Variants in SH3GL2 observed in about 807,000 individuals in gnomAD.
SH3GL2 encodes the protein SH3 domain containing GRB2 like 2, endophilin A1.
Under a neutral mutation model 46.0 loss-of-function variants are expected in SH3GL2, and 24 were observed. The ratio of observed to expected loss-of-function variants is 0.52; its 90% CI spans 0.38 to 0.73. SH3GL2 has a LOEUF of 0.73. Among genes scored for constraint, SH3GL2 ranks in the 30% least tolerant of loss-of-function variants. The probability of loss-of-function intolerance (pLI) is 0.00; values close to 1 mark genes in which losing one functional copy is unlikely to be tolerated. For missense variants in SH3GL2, 413 were observed against 424.2 expected (o/e 0.97, Z 0.23); for synonymous variants, 196 against 147.1 (o/e 1.33, Z -2.40).
intron 1 of SH3GL2, 71 bp downstream of exon 1, chr9:17,579,358 C>T (rs1262017777): frequency 3.6e-6 from 4 of 1,123,366 alleles, no homozygotes; most frequent in South Asian, 1.6e-5. Context: ...CGGCGCTGGC[C>T]GTCCGGCGGC....
At chr9:17,677,042 G>A (rs533409251) in intron 1 of SH3GL2, among the ~76,000 whole-genome samples, 1 of 152,240 alleles carries the variant, frequency 6.6e-6, no homozygotes, top group East Asian at 1.9e-4. Context: ...GCCCTCATGG[G>A]ACCATTTGGC....
intron 2 of SH3GL2, chr9:17,755,758 C>T (rs1822970046): frequency 5.1e-6 from 5 of 984,350 alleles, no homozygotes; most frequent in Non-Finnish European, 6.0e-6. Flanking sequence ...TTTGTTGCTC[C>T]ACAAACAACG....
intron 1 of SH3GL2, among the ~76,000 whole-genome samples, chr9:17,689,739 T>C (rs1821023675): frequency 1.3e-5 from 2 of 152,154 alleles, no homozygotes; most frequent in African/African-American, 4.8e-5. Context: ...TTTGGGCAAA[T>C]ACCACCTCAT....
chr9:17,630,664 A>G (rs1204890233), intron 1 of SH3GL2, among the ~76,000 whole-genome samples: 1 of 152,212 alleles, frequency 6.6e-6, no homozygotes, highest in African/African-American at 2.4e-5. Flanking sequence ...ACCAGAGACT[A>G]GGGCAGGCCA....
At chr9:17,779,258 C>T (rs1372150272) in intron 3 of SH3GL2, among the ~76,000 whole-genome samples, 2 of 152,138 alleles carry the variant, frequency 1.3e-5, no homozygotes, top group Admixed American at 1.3e-4. Context: ...CTGAGTAATT[C>T]TGATATGCAT....
chr9:17,691,392 A>G (rs978294636), intron 1 of SH3GL2, among the ~76,000 whole-genome samples: 2 of 152,136 alleles, frequency 1.3e-5, no homozygotes, highest in African/African-American at 4.8e-5. Context: ...AATTTGTTGG[A>G]CAGATAATAG....
At position 17,795,540 on chromosome 9, in the gene SH3GL2, C is replaced by G; in HGVS notation, c.860-4C>G. 3.7e-6 allele frequency: 6 copies of G among 1,612,246 alleles called. No individual in the cohort carries two copies. The highest frequency in any genetic ancestry group is 4.2e-6 in the Non-Finnish European group (5 of 1,178,438). ...CTTCTCTTCTCTCCTGCTCTTACTC[C>G]CAGGTGTCCAAATGGATCAGCCCTG... On this transcript the variant is annotated splice_polypyrimidine_tract_variant and splice_region_variant and intron_variant, in intron 8 of 8. Transcript: ENST00000380607.
At chr9:17,659,053 G>A (rs531221553) in intron 1 of SH3GL2, among the ~76,000 whole-genome samples, 22 of 152,318 alleles carry the variant, frequency 1.4e-4, no homozygotes, top group Admixed American at 1.3e-3. Context: ...AATGGTGATG[G>A]AAGATTTCTT....
In SH3GL2 at chr9:17,756,134, T is replaced by A. The variant is rs531405739; in HGVS notation, c.115-5303T>A. On this transcript the variant is annotated intron_variant, in intron 2 of 8. Coordinates refer to ENST00000380607, the MANE Select transcript of SH3GL2 (RefSeq NM_003026.5). The stretch of plus-strand genomic sequence containing the variant: ...TTTAAATGAATAAGTATGGCTGTTT[T>A]CCAACAAAACTTTATCTAAGGATGC... 5.3e-5 allele frequency among the ~76,000 whole-genome samples: 8 copies of A among 152,254 alleles called. No individual in the cohort carries two copies. In the South Asian group the frequency reaches 1.5e-3, roughly 28 times the overall value.
At chr9:17,786,696 T>C (rs920997614) in intron 4 of SH3GL2, among the ~76,000 whole-genome samples, 172 bp downstream of exon 4, 3 of 152,164 alleles carry the variant, frequency 2.0e-5, no homozygotes, top group Non-Finnish European at 4.4e-5. Flanking sequence ...TCCGCTCTAA[T>C]GTGATTTATC....
At chr9:17,584,227 G>A (rs10810811) in intron 1 of SH3GL2, among the ~76,000 whole-genome samples, 44,489 of 152,136 alleles carry the variant, frequency 0.29, 7,039 homozygotes, top group East Asian at 0.51. Flanking sequence ...AGGGTGGGGC[G>A]TGGTGGCTCA....
chr9:17,746,002 A>C lies in SH3GL2; in HGVS notation c.46-1064A>C, dbSNP rs186827071. Among the ~76,000 whole-genome samples the C allele has an allele frequency of 1.2e-3, 176 of 152,326 alleles. 3 individuals carry two copies. The highest frequency in any genetic ancestry group is 8.8e-5 in the Non-Finnish European group (6 of 68,028). ...CATTTAGTATTTGTGTCTTTGATAA[A>C]ACCAGAGTATCTTTTGTGTGATCCG... On this transcript the variant is annotated intron_variant, in intron 1 of 8. Transcript: ENST00000380607.
chr9:17,687,485 C>CTT (rs1417634239), intron 1 of SH3GL2, among the ~76,000 whole-genome samples: 1 of 151,708 alleles, frequency 6.6e-6, no homozygotes, highest in Non-Finnish European at 1.5e-5. Context: ...TCAATACAAA[C>CTT]TTTTTTAAGT....
At position 17,628,785 on chromosome 9, in the gene SH3GL2, C is replaced by T. The variant is rs140498823; in HGVS notation, c.45+49498C>T. 2.5e-3 allele frequency among the ~76,000 whole-genome samples: 380 copies of T among 151,940 alleles called. 3 individuals carry two copies. The highest frequency in any genetic ancestry group is 4.6e-3 in the Non-Finnish European group (315 of 67,964). On this transcript the variant is annotated intron_variant, in intron 1 of 8. Transcript: ENST00000380607. ...TAACGGGTAAAATCCTGCCAACTGC[C>T]CTTTTATAGATCTTCAGTGTGAAGC...
intron 1 of SH3GL2, among the ~76,000 whole-genome samples, chr9:17,694,808 C>A (rs1468995267): frequency 6.6e-6 from 1 of 152,142 alleles, no homozygotes; most frequent in Non-Finnish European, 1.5e-5. Context: ...AAATGTCAAA[C>A]TTCACATTTA....
chr9:17,736,740 G>A (rs1461553166), intron 1 of SH3GL2, among the ~76,000 whole-genome samples: 1 of 152,126 alleles, frequency 6.6e-6, no homozygotes, highest in Non-Finnish European at 1.5e-5. Flanking sequence ...CTGTGAAGCT[G>A]AAGTGCCTAC....
intron 1 of SH3GL2, among the ~76,000 whole-genome samples, chr9:17,669,790 T>C (rs1563805075): frequency 6.6e-6 from 1 of 152,154 alleles, no homozygotes; most frequent in Non-Finnish European, 1.5e-5. Flanking sequence ...TGTATTGAAG[T>C]GGCCTTGTTT....
intron 1 of SH3GL2, among the ~76,000 whole-genome samples, chr9:17,581,723 A>C (rs1818279888): frequency 6.6e-6 from 1 of 151,978 alleles, no homozygotes; most frequent in African/African-American, 2.4e-5. Flanking sequence ...TTTGAGACAA[A>C]GTTTGACTCT....
At chr9:17,690,099 T>A (rs1413780940) in intron 1 of SH3GL2, among the ~76,000 whole-genome samples, 1 of 152,100 alleles carries the variant, frequency 6.6e-6, no homozygotes, top group Non-Finnish European at 1.5e-5. Flanking sequence ...TATCTTTTTG[T>A]GCCTGTATGA....
Sources: gnomAD v4.1 joint callset for allele counts (sites outside exome capture counted in the v4.1 genomes callset) on GRCh38, gnomAD v4.1.1 for gene constraint, MANE v1.5 for transcripts, NCBI Gene and HGNC (gene_info 2026-07-23, HGNC 2026-07-21) for gene names.